CLINT1: variants seen among roughly 807,000 people sequenced by gnomAD.
The protein encoded by CLINT1 is clathrin interactor 1.
A neutral mutation model predicts 70.4 loss-of-function variants in CLINT1; 15 were observed. The ratio of observed to expected loss-of-function variants is 0.21; its 90% CI spans 0.14 to 0.33. The LOEUF (loss-of-function observed/expected upper bound fraction) is 0.33. CLINT1 is among the 10% of genes least tolerant of loss of function. The pLI, the probability that CLINT1 is intolerant of heterozygous loss-of-function variation, is 1.00. For synonymous variants in CLINT1, 227 were observed against 254.7 expected (o/e 0.89, Z 1.04); for missense variants, 615 against 778.1 (o/e 0.79, Z 2.49).
chr5:157,809,352 CT>C, intron 6 of CLINT1: 1 of 304,686 alleles, frequency 3.3e-6, no homozygotes, highest in Middle Eastern at 9.3e-4. Flanking sequence ...TCCATACTGG[CT>C]TTTCAATTGT....
Position 157,809,717 on chromosome 5 carries a change from A to T in CLINT1, c.606T>A (p.Gly202=). ...TGCTTCCAATTTTATCACTCAGCTC[A>T]CCTAATTTATCACTGAATGGAAAAG... ...KSAFPFSDKL[G]ELSDKIGSTI... Residue 202 remains glycine, a synonymous_variant, in exon 6 of 12, where the codon GGT becomes GGA. Transcript: ENST00000411809. 1.2e-6 allele frequency: 2 copies of T among 1,613,524 alleles called. No homozygotes were observed. Among genetic ancestry groups the T allele is most frequent in the Non-Finnish European group, 1.7e-6 (2 of 1,179,664 alleles).
intron 7 of CLINT1, 24 bp downstream of exon 7, chr5:157,805,842 T>C (rs777198195): frequency 1.2e-6 from 2 of 1,613,440 alleles, no homozygotes; most frequent in South Asian, 1.1e-5. Flanking sequence ...CCATGTATAA[T>C]GTGTAAACTA....
chr5:157,797,153 C>T (rs940985234), intron 8 of CLINT1, among the ~76,000 whole-genome samples: 5 of 152,134 alleles, frequency 3.3e-5, no homozygotes, highest in Admixed American at 1.3e-4. Context: ...TAAATGAATA[C>T]TTCAAACAGC....
chr5:157,789,837 C>T (rs961082840), intron 10 of CLINT1: 8 of 431,108 alleles, frequency 1.9e-5, no homozygotes, highest in African/African-American at 1.2e-4. Flanking sequence ...GGCAAATGCC[C>T]AGGGGAACTA....
intron 1 of CLINT1, among the ~76,000 whole-genome samples, chr5:157,833,990 G>A (rs550833161): frequency 3.3e-5 from 5 of 152,142 alleles, no homozygotes; most frequent in South Asian, 2.1e-4. Flanking sequence ...TTATTTACCC[G>A]TCTCCCCCTC....
At chr5:157,804,394 A>C (rs1762325632) in intron 7 of CLINT1, among the ~76,000 whole-genome samples, 1 of 152,218 alleles carries the variant, frequency 6.6e-6, no homozygotes, top group African/African-American at 2.4e-5. Context: ...TGATACCTAA[A>C]TACCTATGTC....
chr5:157,858,455 TAA>T (rs981422615), intron 1 of CLINT1, among the ~76,000 whole-genome samples: 173 of 152,270 alleles, frequency 1.1e-3, no homozygotes, highest in African/African-American at 4.0e-3. Context: ...GCAAGGAAGA[TAA>T]AAGACACACC....
chr5:157,802,055 A>T (rs1432834437), intron 8 of CLINT1, among the ~76,000 whole-genome samples: 1 of 151,968 alleles, frequency 6.6e-6, no homozygotes, highest in Non-Finnish European at 1.5e-5. Context: ...TCACCACGCC[A>T]AACTAATTTT....
At chr5:157,798,222 TTC>T (rs1206564146) in intron 8 of CLINT1, among the ~76,000 whole-genome samples, 28 of 152,312 alleles carry the variant, frequency 1.8e-4, no homozygotes, top group African/African-American at 6.7e-4. Flanking sequence ...CCCAGAAAAC[TTC>T]TATCTAAATT....
chr5:157,818,958 A>T (rs1434652800), intron 1 of CLINT1, among the ~76,000 whole-genome samples: 1 of 152,186 alleles, frequency 6.6e-6, no homozygotes, highest in Non-Finnish European at 1.5e-5. Flanking sequence ...TCTTCCACTT[A>T]GCATTAAGTC....
chr5:157,807,036 T>A (rs1762409359), intron 6 of CLINT1, among the ~76,000 whole-genome samples: 1 of 152,008 alleles, frequency 6.6e-6, no homozygotes, highest in African/African-American at 2.4e-5. Flanking sequence ...CATGTTCCAT[T>A]ACCTGTATTA....
chr5:157,857,551 T>C (rs1753798961), intron 1 of CLINT1, among the ~76,000 whole-genome samples: 1 of 152,228 alleles, frequency 6.6e-6, no homozygotes, highest in Non-Finnish European at 1.5e-5. Context: ...GTTTCAAAAG[T>C]ACACTAATAT....
intron 8 of CLINT1, among the ~76,000 whole-genome samples, chr5:157,801,901 T>G (rs1762234898): frequency 6.6e-6 from 1 of 151,888 alleles, no homozygotes; most frequent in African/African-American, 2.4e-5. Flanking sequence ...AGTTAAAGTT[T>G]TTTTTTTTTT....
At chr5:157,841,294 G>A (rs772143077) in intron 1 of CLINT1, among the ~76,000 whole-genome samples, 6 of 150,054 alleles carry the variant, frequency 4.0e-5, no homozygotes, top group Non-Finnish European at 8.9e-5. Flanking sequence ...GGTCAGGCAC[G>A]GTGGCTCACA....
At chr5:157,854,274 TGTTTCGA>T (rs1179297798) in intron 1 of CLINT1, among the ~76,000 whole-genome samples, 2 of 152,180 alleles carry the variant, frequency 1.3e-5, no homozygotes, top group Non-Finnish European at 2.9e-5. Flanking sequence ...AGGTATTGTA[TGTTTCGA>T]GTTCAGAAAA....
At chr5:157,816,332 T>C (rs548721353) in intron 3 of CLINT1, among the ~76,000 whole-genome samples, 1 of 152,162 alleles carries the variant, frequency 6.6e-6, no homozygotes, top group Non-Finnish European at 1.5e-5. Context: ...TTTGAACATT[T>C]TGGATACAAA....
intron 1 of CLINT1, among the ~76,000 whole-genome samples, chr5:157,850,259 T>A (rs1353647951): frequency 6.6e-6 from 1 of 152,176 alleles, no homozygotes; most frequent in Admixed American, 6.5e-5. Context: ...ACATGCTTAG[T>A]GAGAAACAGG....
At position 157,859,140 on chromosome 5, in the gene CLINT1, A is replaced by G. The variant is rs1753864823; in HGVS notation, c.-170T>C. ...CAGCGGCGCCGCCGGTGACACGTCG[A>G]GACGCGGCAGCACAGGCGCTGCGTG... On this transcript the variant is annotated 5_prime_UTR_variant, in exon 1 of 12. Coordinates refer to ENST00000411809, the MANE Select transcript of CLINT1 (RefSeq NM_014666.4). 1.6e-6 allele frequency: 1 copy of G among 614,274 alleles called. No homozygotes were observed. The allele number at this position is 614,274 out of a possible 1,614,324, so 38.1% of individuals were successfully genotyped here.
intron 9 of CLINT1, 93 bp from the exon 10 acceptor site, chr5:157,792,088 T>A: frequency 2.8e-6 from 3 of 1,081,794 alleles, no homozygotes; most frequent in Non-Finnish European, 4.0e-6. Context: ...AGAGCTGATC[T>A]GAGTCCCCCA....
Sources: gnomAD v4.1 joint callset for allele counts (sites outside exome capture counted in the v4.1 genomes callset) on GRCh38, gnomAD v4.1.1 for gene constraint, MANE v1.5 for transcripts, NCBI Gene and HGNC (gene_info 2026-07-23, HGNC 2026-07-21) for gene names.